The following TSHZ3 variants were observed in gnomAD, a reference collection of about 807,000 sequenced individuals.
TSHZ3 encodes the protein teashirt zinc finger homeobox 3.
In TSHZ3, 10 loss-of-function variants were observed where a neutral mutation model predicts 64.5. The ratio of observed to expected loss-of-function variants is 0.16; its 90% CI spans 0.10 to 0.26. TSHZ3 has a LOEUF of 0.26. TSHZ3 is among the 10% of genes least tolerant of loss of function. The probability of loss-of-function intolerance (pLI) is 1.00; values close to 1 mark genes in which losing one functional copy is unlikely to be tolerated. For synonymous variants in TSHZ3, 608 were observed against 593.1 expected (o/e 1.03, Z -0.36); for missense variants, 1,242 against 1,421.7 (o/e 0.87, Z 2.03).
At chr19:31,175,378 C>G (rs1422737098) in intron 5 of TSHZ3, among the ~76,000 whole-genome samples, 3 of 152,092 alleles carry the variant, frequency 2.0e-5, no homozygotes, top group African/African-American at 7.2e-5. Context: ...AGAGAAATAC[C>G]CCTATATAGG....
chr19:31,256,278 C>G (rs550642229), intron 1 of TSHZ3, among the ~76,000 whole-genome samples: 1 of 152,108 alleles, frequency 6.6e-6, no homozygotes, highest in Non-Finnish European at 1.5e-5. Context: ...AGTGAAGAAT[C>G]CCTTTACATC....
chr19:31,274,558 T>C (rs58137932), downstream of TSHZ3, among the ~76,000 whole-genome samples: 5,661 of 152,052 alleles, frequency 0.037, 379 homozygotes, highest in African/African-American at 0.13. Context: ...TCCTTGACAG[T>C]GCAGGGCCCT....
intron 6 of TSHZ3, among the ~76,000 whole-genome samples, chr19:31,153,200 T>G (rs777402678): frequency 6.6e-6 from 1 of 152,206 alleles, no homozygotes; most frequent in Non-Finnish European, 1.5e-5. Flanking sequence ...AAGATACTGA[T>G]GTATAAAGGC....
At chr19:31,178,523 T>C (rs961330161) in intron 5 of TSHZ3, among the ~76,000 whole-genome samples, 1 of 152,136 alleles carries the variant, frequency 6.6e-6, no homozygotes, top group Non-Finnish European at 1.5e-5. Flanking sequence ...CTACTAAAAA[T>C]ACAAAAGTAG....
chr19:31,245,576 AG>A (rs1975749175), intron 1 of TSHZ3, among the ~76,000 whole-genome samples: 1 of 152,210 alleles, frequency 6.6e-6, no homozygotes, highest in South Asian at 2.1e-4. Flanking sequence ...TTAAAACACA[AG>A]CTACATCTGA....
chr19:31,256,806 C>T (rs986217571), intron 1 of TSHZ3, among the ~76,000 whole-genome samples: 18 of 152,160 alleles, frequency 1.2e-4, no homozygotes, highest in Admixed American at 3.3e-4. Context: ...CACTGAGGTT[C>T]GTGCCACTGG....
chr19:31,226,228 CCCATA>C (rs1975459154), intron 4 of TSHZ3, among the ~76,000 whole-genome samples: 3 of 152,154 alleles, frequency 2.0e-5, no homozygotes, highest in Admixed American at 6.5e-5. Flanking sequence ...TCCACTTCTT[CCCATA>C]CCATTTGATA....
In TSHZ3 at chr19:31,276,262, G is replaced by A. The variant is rs905233935; in HGVS notation, c.*285C>T. ...ATGCTTAATTAAACTGTCTGTTAATGCATGCAGCTTGAAGCATCGGGAGGA... is the reference window on the plus strand; with the variant it reads ...ATGCTTAATTAAACTGTCTGTTAATACATGCAGCTTGAAGCATCGGGAGGA... On this transcript the variant is annotated 3_prime_UTR_variant, in exon 2 of 2. Transcript: ENST00000240587. 5 of 291,784 alleles carry A rather than the reference G, an allele frequency of 1.7e-5. No homozygotes were observed. Among genetic ancestry groups the A allele is most frequent in the African/African-American group, 4.3e-5 (2 of 46,154 alleles). 18.1% of individuals were successfully genotyped at this position (291,784 alleles called of 1,614,324 possible).
intron 3 of TSHZ3, among the ~76,000 whole-genome samples, chr19:31,232,866 T>C (rs1390357297): frequency 2.0e-5 from 3 of 152,240 alleles, no homozygotes; most frequent in African/African-American, 7.2e-5. Flanking sequence ...AGCACGCCTG[T>C]GAGTGAGATT....
At chr19:31,236,022 T>C (rs1975609638) in intron 3 of TSHZ3, among the ~76,000 whole-genome samples, 1 of 152,188 alleles carries the variant, frequency 6.6e-6, no homozygotes, top group South Asian at 2.1e-4. Context: ...TATTCATTCA[T>C]GTGTCAACGT....
At chr19:31,156,394 G>A (rs140274517) in exon 6 of TSHZ3, among the ~76,000 whole-genome samples, 157 of 152,220 alleles carry the variant, frequency 1.0e-3, no homozygotes, top group Middle Eastern at 6.8e-3. Context: ...TCCCGATTCC[G>A]ATGCCCACAG....
chr19:31,280,981 G>A (rs1030048706), intron 1 of TSHZ3, among the ~76,000 whole-genome samples: 24 of 152,202 alleles, frequency 1.6e-4, no homozygotes, highest in Non-Finnish European at 4.4e-5. Context: ...CAGCCCTGTG[G>A]CTAGGAACAA....
At chr19:31,193,946 A>G (rs1423354842) in intron 5 of TSHZ3, among the ~76,000 whole-genome samples, 1 of 152,208 alleles carries the variant, frequency 6.6e-6, no homozygotes, top group Non-Finnish European at 1.5e-5. Context: ...CTATCTTAAC[A>G]ACATGTAAAA....
rs1439487715 is a variant in TSHZ3, at chr19:31,275,397, T to C, written c.*1150A>G. 6.6e-6 allele frequency: 1 copy of C among 152,550 alleles called. No homozygotes were observed. The highest frequency in any genetic ancestry group is 2.4e-5 in the African/African-American group (1 of 41,424). 9.4% of individuals were successfully genotyped at this position (152,550 alleles called of 1,614,324 possible). ...ATTACAGTACAAACATTTTAAAGGC[T>C]TTATCAATGTTTAGGAAATACAGTA... On this transcript the variant is annotated 3_prime_UTR_variant, in exon 2 of 2. Transcript: ENST00000240587.
intron 1 of TSHZ3, among the ~76,000 whole-genome samples, chr19:31,316,593 C>A (rs1020869704): frequency 6.6e-6 from 1 of 152,118 alleles, no homozygotes; most frequent in Non-Finnish European, 1.5e-5. Flanking sequence ...GTGCTATTTG[C>A]GGCAGCCGCT....
chr19:31,293,465 C>G (rs1976609702), intron 1 of TSHZ3, among the ~76,000 whole-genome samples: 1 of 152,218 alleles, frequency 6.6e-6, no homozygotes, highest in South Asian at 2.1e-4. Flanking sequence ...TTCCTTTGAT[C>G]TTGCCTTGAT....
chr19:31,201,042 A>G (rs1975077876), intron 5 of TSHZ3, among the ~76,000 whole-genome samples: 1 of 152,128 alleles, frequency 6.6e-6, no homozygotes, highest in African/African-American at 2.4e-5. Flanking sequence ...AAAGAAGAAA[A>G]TCTCGAAAGG....
At chr19:31,190,643 TA>T (rs34350837) in intron 5 of TSHZ3, among the ~76,000 whole-genome samples, 106,319 of 151,806 alleles carry the variant, frequency 0.7, 37,445 homozygotes, top group African/African-American at 0.78. Context: ...AGCACACAGT[TA>T]AAAAAATCAC....
chr19:31,201,156 G>A (rs77965686), intron 5 of TSHZ3, among the ~76,000 whole-genome samples: 2,032 of 152,170 alleles, frequency 0.013, 26 homozygotes, highest in Non-Finnish European at 0.02. Flanking sequence ...AAGACAGTAG[G>A]TAACAGAAAA....
Sources: gnomAD v4.1 joint callset for allele counts (sites outside exome capture counted in the v4.1 genomes callset) on GRCh38, gnomAD v4.1.1 for gene constraint, MANE v1.5 for transcripts, NCBI Gene and HGNC (gene_info 2026-07-23, HGNC 2026-07-21) for gene names.